The following GSG1L variants were observed in gnomAD, a reference collection of about 807,000 sequenced individuals.
GSG1L encodes GSG1 like, also known as germ cell-specific gene 1-like protein.
A neutral mutation model predicts 42.1 loss-of-function variants in GSG1L; 24 were observed. That is an observed-to-expected ratio of 0.57 (90% confidence interval 0.41 to 0.80). The LOEUF (loss-of-function observed/expected upper bound fraction) is 0.80. GSG1L is among the 30% of genes least tolerant of loss of function. The pLI, the probability that GSG1L is intolerant of heterozygous loss-of-function variation, is 0.00. For missense variants in GSG1L, 445 were observed against 472.2 expected (o/e 0.94, Z 0.53); for synonymous variants, 215 against 203.5 (o/e 1.06, Z -0.48).
Position 27,938,776 on chromosome 16 carries a change from T to G in GSG1L, c.397+24380A>C, listed in dbSNP as rs545855368. 4.6e-5 allele frequency among the ~76,000 whole-genome samples: 7 copies of G among 152,296 alleles called. No individual in the cohort carries two copies. The East Asian group carries it at 1.2e-3, about 25-fold the overall frequency. On this transcript the variant is annotated intron_variant, in intron 2 of 6. Transcript: ENST00000447459. ...ATTCTGAAAGCATGGTGGTAGGAAGTGAGCAGAACGTCCCTGATTCTGCTT... is the reference window on the plus strand; with the variant it reads ...ATTCTGAAAGCATGGTGGTAGGAAGGGAGCAGAACGTCCCTGATTCTGCTT...
intron 1 of GSG1L, among the ~76,000 whole-genome samples, chr16:27,973,437 C>CAAAA (rs2085215187): frequency 3.6e-5 from 1 of 27,398 alleles, no homozygotes; most frequent in Admixed American, 5.9e-4. Context: ...AAGACCCCAT[C>CAAAA]ACAAAAAAAA....
rs147197822 is a variant in GSG1L at position 27,923,525 on chromosome 16, G to A, written c.398-38887C>T. Among the ~76,000 whole-genome samples the A allele has an allele frequency of 3.8e-3, 584 of 152,206 alleles. 6 individuals are homozygous for A. Among genetic ancestry groups the A allele is most frequent in the African/African-American group, 0.013 (547 of 41,512 alleles). ...TTTGGGAGACTGAGGCAGGCAGATC[G>A]TTTGAGACCAGGAGTTTGAGACCAG... On this transcript the variant is annotated intron_variant, in intron 2 of 6. Transcript: ENST00000447459.
intron 4 of GSG1L, among the ~76,000 whole-genome samples, chr16:27,838,342 G>A (rs2083342187): frequency 6.6e-6 from 1 of 152,196 alleles, no homozygotes; most frequent in African/African-American, 2.4e-5. Context: ...TCATCTCCCT[G>A]TTCCTCTCAC....
intron 3 of GSG1L, among the ~76,000 whole-genome samples, chr16:27,857,289 G>A (rs935454565): frequency 6.6e-6 from 1 of 151,840 alleles, no homozygotes; most frequent in Admixed American, 6.6e-5. Context: ...TTAGCTGAGA[G>A]TGGTGGTGGG....
At chr16:27,807,310 G>T (rs575823015) in intron 6 of GSG1L, among the ~76,000 whole-genome samples, 177 bp downstream of exon 6, 1 of 152,126 alleles carries the variant, frequency 6.6e-6, no homozygotes, top group Non-Finnish European at 1.5e-5. Flanking sequence ...GGAGAGCTGC[G>T]TGCAGGGGCT....
intron 2 of GSG1L, among the ~76,000 whole-genome samples, chr16:27,945,600 A>G (rs969956667): frequency 1.3e-5 from 2 of 152,188 alleles, no homozygotes; most frequent in Non-Finnish European, 1.5e-5. Flanking sequence ...CCAAAATGAA[A>G]TTTCAAGCAG....
intron 2 of GSG1L, among the ~76,000 whole-genome samples, chr16:27,926,327 C>T (rs760693397): frequency 5.9e-5 from 9 of 152,090 alleles, no homozygotes; most frequent in Non-Finnish European, 1.0e-4. Flanking sequence ...TGGTCCCTGC[C>T]GTTGCAAAAC....
intron 1 of GSG1L, among the ~76,000 whole-genome samples, chr16:28,012,493 A>T (rs2141157326): frequency 2.0e-5 from 3 of 152,276 alleles, no homozygotes; most frequent in Middle Eastern, 6.8e-3. Flanking sequence ...TGGGCCAGGC[A>T]GTCTGCTAGG....
chr16:27,984,590 T>C (rs775173595), intron 1 of GSG1L, among the ~76,000 whole-genome samples: 3 of 152,172 alleles, frequency 2.0e-5, no homozygotes, highest in Non-Finnish European at 4.4e-5. Flanking sequence ...AGAAGTCAGC[T>C]TAATTAGAAG....
intron 5 of GSG1L, among the ~76,000 whole-genome samples, chr16:27,820,467 A>C (rs1222246008): frequency 6.6e-6 from 1 of 152,042 alleles, no homozygotes; most frequent in African/African-American, 2.4e-5. Flanking sequence ...AGGGGGCTGG[A>C]CGGTGAGTGG....
intron 2 of GSG1L, among the ~76,000 whole-genome samples, chr16:27,944,969 C>T (rs572402595): frequency 6.7e-6 from 1 of 148,788 alleles, no homozygotes; most frequent in South Asian, 2.1e-4. Context: ...CTCAGATACT[C>T]GGGAGGCTGA....
intron 2 of GSG1L, among the ~76,000 whole-genome samples, chr16:27,914,330 G>A (rs1283946955): frequency 6.6e-6 from 1 of 152,060 alleles, no homozygotes; most frequent in Non-Finnish European, 1.5e-5. Flanking sequence ...TATGAACTTA[G>A]TACAACATTA....
At chr16:27,922,476 C>T (rs979597261) in intron 2 of GSG1L, among the ~76,000 whole-genome samples, 1 of 152,176 alleles carries the variant, frequency 6.6e-6, no homozygotes, top group African/African-American at 2.4e-5. Context: ...ACCCCCGACC[C>T]GATCGATAGT....
At chr16:27,807,889 A>G (rs944710084) in intron 5 of GSG1L, among the ~76,000 whole-genome samples, 1 of 152,224 alleles carries the variant, frequency 6.6e-6, no homozygotes, top group African/African-American at 2.4e-5. Flanking sequence ...ATATCAAAAG[A>G]TGTTTACAGT....
At chr16:28,055,199 G>C (rs192502224) in intron 1 of GSG1L, among the ~76,000 whole-genome samples, 3 of 151,898 alleles carry the variant, frequency 2.0e-5, no homozygotes, top group Non-Finnish European at 2.9e-5. Flanking sequence ...TCTGTTGCCC[G>C]GGCTGGAGCA....
intron 2 of GSG1L, among the ~76,000 whole-genome samples, chr16:27,906,729 T>A (rs2084324977): frequency 6.6e-6 from 1 of 152,150 alleles, no homozygotes; most frequent in Non-Finnish European, 1.5e-5. Flanking sequence ...CCACGCCCCA[T>A]TCTGACATCT....
intron 3 of GSG1L, among the ~76,000 whole-genome samples, chr16:27,866,038 C>G (rs1458268402): frequency 6.6e-6 from 1 of 151,976 alleles, no homozygotes; most frequent in South Asian, 2.1e-4. Context: ...CTCTCTGTGT[C>G]TCTCTCTAGT....
chr16:27,987,624 G>A (rs566045026), intron 1 of GSG1L, among the ~76,000 whole-genome samples: 1 of 152,156 alleles, frequency 6.6e-6, no homozygotes, highest in South Asian at 2.1e-4. Flanking sequence ...TGGGTACTTG[G>A]GACCCAGAGT....
chr16:27,927,296 C>T (rs373351778), intron 2 of GSG1L, among the ~76,000 whole-genome samples: 20 of 152,092 alleles, frequency 1.3e-4, no homozygotes, highest in East Asian at 3.9e-4. Context: ...ACCACGGGTA[C>T]GTGCCTAATT....
Sources: gnomAD v4.1 joint callset for allele counts (sites outside exome capture counted in the v4.1 genomes callset) on GRCh38, gnomAD v4.1.1 for gene constraint, MANE v1.5 for transcripts, NCBI Gene and HGNC (gene_info 2026-07-23, HGNC 2026-07-21) for gene names.